The following SULF1 variants were observed in gnomAD, a reference collection of about 807,000 sequenced individuals.
The protein encoded by SULF1 is extracellular sulfatase Sulf-1.
A neutral mutation model predicts 110.5 loss-of-function variants in SULF1; 46 were observed. That is an observed-to-expected ratio of 0.42 (90% CI 0.33 to 0.53). SULF1 has a LOEUF of 0.53. SULF1 is among the 20% of genes least tolerant of loss of function. SULF1 has a pLI of 0.12. For synonymous variants in SULF1, 371 were observed against 387.1 expected, an observed-to-expected ratio of 0.96 and a Z score of 0.49; for missense variants, 941 against 1,094.2, an observed-to-expected ratio of 0.86 and a Z score of 1.98.
At chr8:69,480,010 C>A (rs1313863654) in intron 1 of SULF1, among the ~76,000 whole-genome samples, 1 of 145,994 alleles carries the variant, frequency 6.8e-6, no homozygotes, top group East Asian at 2.0e-4. Context: ...CAAGAAAAAG[C>A]TTTTTTTTTT....
intron 3 of SULF1, among the ~76,000 whole-genome samples, chr8:69,516,588 T>C (rs1438576874): frequency 6.6e-6 from 1 of 152,174 alleles, no homozygotes; most frequent in African/African-American, 2.4e-5. Context: ...TCATTTAAGT[T>C]TTGTCAGGAA....
At chr8:69,474,913 G>C (rs540678016) in intron 1 of SULF1, among the ~76,000 whole-genome samples, 1 of 152,148 alleles carries the variant, frequency 6.6e-6, no homozygotes, top group Non-Finnish European at 1.5e-5. Context: ...AAACACAAAA[G>C]CTACATTTTT....
At chr8:69,637,751 C>T (rs1361309925) in intron 19 of SULF1, 1 of 152,418 alleles carries the variant, frequency 6.6e-6, no homozygotes, top group East Asian at 1.9e-4. Flanking sequence ...CTAGTCCAGC[C>T]TGGGTAACAT....
intron 22 of SULF1, among the ~76,000 whole-genome samples, chr8:69,652,666 CTAAA>C (rs1812428784): frequency 6.6e-6 from 1 of 152,156 alleles, no homozygotes; most frequent in South Asian, 2.1e-4. Flanking sequence ...GAACTATAAC[CTAAA>C]TAGAGTTGTA....
intron 1 of SULF1, chr8:69,469,526 T>C (rs1159651240): frequency 6.6e-6 from 1 of 152,228 alleles, no homozygotes; most frequent in Non-Finnish European, 1.5e-5. Flanking sequence ...TGGTAGGTTA[T>C]GAGTAGGAAC....
intron 3 of SULF1, among the ~76,000 whole-genome samples, chr8:69,554,660 TA>T (rs34899318): frequency 6.7e-6 from 1 of 149,586 alleles, no homozygotes; most frequent in African/African-American, 2.5e-5. Context: ...TTAGCCTTTC[TA>T]AAAAAAAAGA....
chr8:69,642,239 G>C, intron 22 of SULF1: 1 of 986,666 alleles, frequency 1.0e-6, no homozygotes, highest in Non-Finnish European at 1.2e-6. Context: ...TGCTGTTCCT[G>C]GTACCCTGTT....
At position 69,586,297 on chromosome 8, in the gene SULF1, T is replaced by C. The variant is rs992488189; in HGVS notation, c.413-60T>C. On this transcript the variant is annotated intron_variant, in intron 6 of 22. Coordinates refer to ENST00000402687, the MANE Select transcript of SULF1 (RefSeq NM_001128205.2). ...TTTTCAAGTCATAATTTTATACTTA[T>C]CCATTTATTTATGATTAATCATTTT... is the stretch of plus-strand genomic sequence containing the variant. 7.7e-5 allele frequency: 114 copies of C among 1,473,584 alleles called. 1 individual carries two copies. The African/African-American group carries it at 1.4e-3, about 19-fold the overall frequency. The allele number at this position is 1,473,584 out of a possible 1,614,324, so 91.3% of individuals were successfully genotyped here.
intron 13 of SULF1, among the ~76,000 whole-genome samples, chr8:69,614,907 TAAATC>T (rs1808964553): frequency 6.6e-6 from 1 of 152,220 alleles, no homozygotes; most frequent in South Asian, 2.1e-4. Flanking sequence ...CACAGACTGA[TAAATC>T]AGACAGAAGG....
At chr8:69,637,875 G>A (rs1038216385) in intron 19 of SULF1, 1 of 152,454 alleles carries the variant, frequency 6.6e-6, no homozygotes, top group African/African-American at 2.4e-5. Flanking sequence ...TAGATGAGTT[G>A]ATTATAAATG....
intron 7 of SULF1, among the ~76,000 whole-genome samples, chr8:69,587,291 G>A (rs114506644): frequency 0.018 from 2,719 of 152,118 alleles, 78 homozygotes; most frequent in African/African-American, 0.06. Flanking sequence ...CATTTATCTA[G>A]AAGAAGCCGA....
At chr8:69,474,124 T>C (rs898127727) in intron 1 of SULF1, among the ~76,000 whole-genome samples, 4 of 152,196 alleles carry the variant, frequency 2.6e-5, no homozygotes, top group Admixed American at 2.0e-4. Flanking sequence ...ATTGTCCAGT[T>C]TTTTTGGTAT....
At chr8:69,528,180 G>A (rs1486736264) in intron 3 of SULF1, among the ~76,000 whole-genome samples, 2 of 152,130 alleles carry the variant, frequency 1.3e-5, no homozygotes, top group African/African-American at 4.8e-5. Context: ...CAGAGTTTCA[G>A]GGAGATTTTG....
chr8:69,497,721 T>G (rs1810465407), intron 2 of SULF1, among the ~76,000 whole-genome samples: 1 of 152,178 alleles, frequency 6.6e-6, no homozygotes, highest in African/African-American at 2.4e-5. Context: ...TTACAAAGTT[T>G]CAGAGCCAGG....
chr8:69,569,748 T>C (rs1300009936), intron 5 of SULF1, among the ~76,000 whole-genome samples: 1 of 152,208 alleles, frequency 6.6e-6, no homozygotes, highest in Admixed American at 6.5e-5. Flanking sequence ...CCTTGTGCTC[T>C]TTTGGAGGGG....
chr8:69,640,629 TA>T (rs1426819904), intron 21 of SULF1, among the ~76,000 whole-genome samples, 178 bp from the exon 22 acceptor site: 1 of 152,172 alleles, frequency 6.6e-6, no homozygotes, highest in Non-Finnish European at 1.5e-5. Context: ...TTTTCATTCA[TA>T]GCTTTCAATC....
At chr8:69,607,935 A>G (rs757302522) in intron 13 of SULF1, among the ~76,000 whole-genome samples, 1 of 152,142 alleles carries the variant, frequency 6.6e-6, no homozygotes, top group African/African-American at 2.4e-5. Context: ...TTCCAAGGCA[A>G]CACAGTCAGG....
chr8:69,631,671 A>G (rs1165325321), intron 19 of SULF1, among the ~76,000 whole-genome samples: 2 of 152,194 alleles, frequency 1.3e-5, no homozygotes, highest in African/African-American at 4.8e-5. Flanking sequence ...CAGCCACTCA[A>G]CTTCTCTTTA....
Position 69,627,222 on chromosome 8 carries a change from T to A in SULF1, c.1863T>A (p.Leu621=). ...TVRVTHKCFI[L]PNDSIHCERE... is the part of the protein sequence containing the mutation. ...GTTTGTTTTGCAGGTGTTTTATTCT[T>A]CCCAATGACTCTATCCATTGTGAGA... The change falls in exon 16 of 23, where the codon CTT becomes CTA. Residue 621 remains leucine, a synonymous_variant. Transcript: ENST00000402687. The A allele has an allele frequency of 6.2e-7, 1 of 1,614,042 alleles. No individual in the cohort carries two copies. Among genetic ancestry groups the A allele is most frequent in the South Asian group, 1.1e-5 (1 of 91,064 alleles).
Sources: gnomAD v4.1 joint callset for allele counts (sites outside exome capture counted in the v4.1 genomes callset) on GRCh38, gnomAD v4.1.1 for gene constraint, MANE v1.5 for transcripts, NCBI Gene and HGNC (gene_info 2026-07-23, HGNC 2026-07-21) for gene names.